Variants in PRTG observed in about 807,000 individuals in gnomAD.
The protein encoded by PRTG is protogenin.
Under a neutral mutation model 122.5 loss-of-function variants are expected in PRTG, and 67 were observed. The ratio of observed to expected loss-of-function variants is 0.55; its 90% confidence interval spans 0.45 to 0.67. The LOEUF (loss-of-function observed/expected upper bound fraction) is 0.67. Among genes scored for constraint, PRTG ranks in the 30% least tolerant of loss-of-function variants. PRTG has a pLI of 0.00. For missense variants in PRTG, 1,435 were observed against 1,415.4 expected (o/e 1.01, Z -0.22); for synonymous variants, 554 against 501.1 (o/e 1.11, Z -1.41).
rs753787912 is a variant in PRTG at position 55,620,003 on chromosome 15, G to A, written c.*9C>T. Reference sequence around the variant, plus strand: ...GGAATCTCCACCTGAATCACTGCCAGTGAAAGAATCAGAGGTTGGGGGGTG... The same window carrying A: ...GGAATCTCCACCTGAATCACTGCCAATGAAAGAATCAGAGGTTGGGGGGTG... On this transcript the variant is annotated 3_prime_UTR_variant, in exon 20 of 20. Coordinates refer to ENST00000389286, the MANE Select transcript of PRTG (RefSeq NM_173814.6). 10 of 1,613,838 alleles carry A rather than the reference G, an allele frequency of 6.2e-6. No homozygotes were observed. Among genetic ancestry groups the A allele is most frequent in the South Asian group, 4.4e-5 (4 of 91,028 alleles).
At chr15:55,652,533 A>G (rs2059358542) in intron 11 of PRTG, among the ~76,000 whole-genome samples, 1 of 152,114 alleles carries the variant, frequency 6.6e-6, no homozygotes, top group African/African-American at 2.4e-5. Flanking sequence ...TCCCTTCGAC[A>G]CAATACCCCC....
At position 55,723,998 on chromosome 15, in the gene PRTG, G is replaced by A. The variant is rs138791615; in HGVS notation, c.397+16384C>T. On this transcript the variant is annotated intron_variant, in intron 2 of 19. Transcript: ENST00000389286. Reference sequence around the variant, plus strand: ...GAACTCCTGACCTCATGATCCGCCTGCCTCGGCCTCCCAAAGTGCTAGGAT... The same window carrying A: ...GAACTCCTGACCTCATGATCCGCCTACCTCGGCCTCCCAAAGTGCTAGGAT... Among the ~76,000 whole-genome samples the A allele has an allele frequency of 3.2e-3, 482 of 152,176 alleles. 1 individual carries two copies. Among genetic ancestry groups the A allele is most frequent in the Non-Finnish European group, 4.9e-3 (336 of 67,990 alleles).
intron 11 of PRTG, among the ~76,000 whole-genome samples, chr15:55,643,588 C>G (rs2059304350): frequency 6.6e-6 from 1 of 152,042 alleles, no homozygotes; most frequent in Admixed American, 6.6e-5. Context: ...TGCACACCAC[C>G]ACACCTGGCA....
intron 11 of PRTG, among the ~76,000 whole-genome samples, chr15:55,660,721 G>C (rs2059405233): frequency 6.6e-6 from 1 of 151,940 alleles, no homozygotes; most frequent in Non-Finnish European, 1.5e-5. Context: ...TTTTATTTGA[G>C]GTTTTATTAG....
chr15:55,645,430 T>G (rs2059316098), intron 11 of PRTG, among the ~76,000 whole-genome samples: 1 of 8,478 alleles, frequency 1.2e-4, no homozygotes, highest in African/African-American at 1.6e-4. Flanking sequence ...CGAAACTCCG[T>G]CTCAAAAAAA....
In PRTG at chr15:55,612,563, A is replaced by G. The variant is rs1467341588; in HGVS notation, c.*7449T>C. On this transcript the variant is annotated 3_prime_UTR_variant, in exon 20 of 20. Transcript: ENST00000389286. Reference sequence around the variant, plus strand: ...TATATAAAATGCATTCATTTGGAATAGTTTGCAGAAATATTAAAATACTCC... The same window carrying G: ...TATATAAAATGCATTCATTTGGAATGGTTTGCAGAAATATTAAAATACTCC... 1 of 151,754 alleles carries G rather than the reference A, an allele frequency of 6.6e-6. No individual in the cohort carries two copies. The highest frequency in any genetic ancestry group is 1.5e-5 in the Non-Finnish European group (1 of 67,866). The allele number at this position is 151,754 out of a possible 1,614,324, so 9.4% of individuals were successfully genotyped here. A position where few individuals can be genotyped will look rare whatever the true frequency, so the allele number is the denominator to read the frequency against.
At chr15:55,665,030 G>A (rs1383131138) in intron 11 of PRTG, among the ~76,000 whole-genome samples, 2 of 151,766 alleles carry the variant, frequency 1.3e-5, no homozygotes, top group Non-Finnish European at 1.5e-5. Context: ...AGGCCGAGGC[G>A]GGTGGATCAC....
intron 11 of PRTG, among the ~76,000 whole-genome samples, chr15:55,670,062 ATAGTT>A (rs1227522228): frequency 6.6e-6 from 1 of 152,228 alleles, no homozygotes; most frequent in Non-Finnish European, 1.5e-5. Context: ...AAAGTTGACT[ATAGTT>A]CAGAGATGAT....
At chr15:55,633,882 T>G (rs1009407886) in intron 15 of PRTG, among the ~76,000 whole-genome samples, 3 of 152,118 alleles carry the variant, frequency 2.0e-5, no homozygotes, top group Admixed American at 2.0e-4. Context: ...CCACAACAAC[T>G]AAGAGAATAT....
Position 55,611,962 on chromosome 15 carries a change from C to G in PRTG, c.*8050G>C, listed in dbSNP as rs574773944. ...GAAAGGATCCAGAACACCCATAATA[C>G]AAAATAATTTAACTGGCTCCCACAC... On this transcript the variant is annotated 3_prime_UTR_variant, in exon 20 of 20. Coordinates refer to ENST00000389286, the MANE Select transcript of PRTG (RefSeq NM_173814.6). 10 of 151,562 alleles carry G rather than the reference C, an allele frequency of 6.6e-5. No homozygotes were observed. The highest frequency in any genetic ancestry group is 1.9e-4 in the African/African-American group (8 of 41,322). The allele number at this position is 151,562 out of a possible 1,614,324, so 9.4% of individuals were successfully genotyped here.
Position 55,619,989 on chromosome 15 carries a change from C to T in PRTG, c.*23G>A, listed in dbSNP as rs199539745. Reference sequence around the variant, plus strand: ...CACTTCCTCAATGCGGAATCTCCACCTGAATCACTGCCAGTGAAAGAATCA... The same window carrying T: ...CACTTCCTCAATGCGGAATCTCCACTTGAATCACTGCCAGTGAAAGAATCA... On this transcript the variant is annotated 3_prime_UTR_variant, in exon 20 of 20. Transcript: ENST00000389286. 6.8e-6 allele frequency: 11 copies of T among 1,612,704 alleles called. No homozygotes were observed. Among genetic ancestry groups the T allele is most frequent in the Admixed American group, 5.0e-5 (3 of 59,962 alleles).
intron 2 of PRTG, 93 bp downstream of exon 2, chr15:55,740,289 T>G: frequency 8.4e-7 from 1 of 1,196,338 alleles, no homozygotes; most frequent in Non-Finnish European, 1.2e-6. Context: ...TCTTAATGCA[T>G]GCATGATTCG....
chr15:55,698,818 A>G (rs2141837991), intron 2 of PRTG, among the ~76,000 whole-genome samples: 1 of 152,156 alleles, frequency 6.6e-6, no homozygotes, highest in Non-Finnish European at 1.5e-5. Flanking sequence ...AGGACTCGTG[A>G]ATCATGCTCA....
intron 2 of PRTG, among the ~76,000 whole-genome samples, chr15:55,711,800 T>C (rs2030399315): frequency 6.6e-6 from 1 of 152,192 alleles, no homozygotes; most frequent in Non-Finnish European, 1.5e-5. Flanking sequence ...CAATAATATA[T>C]ACTTACAGTT....
rs1396352836 is a variant in PRTG, at chr15:55,675,527, A to G, written c.1538T>C (p.Leu513Pro). 1.9e-6 allele frequency: 3 copies of G among 1,608,274 alleles called. No individual in the cohort carries two copies. The African/African-American group carries it at 4.0e-5, about 21-fold the overall frequency. ...QMSDHVTQNT[L>P]EDVPLRPPEI... is the part of the protein sequence containing the mutation. ...GAATCATGTTTTCTTACCATCCTCTAGAGTATTCTGTGTCACATGGTCAGA... is the reference window on the plus strand; with the variant it reads ...GAATCATGTTTTCTTACCATCCTCTGGAGTATTCTGTGTCACATGGTCAGA... The change falls in exon 9 of 20, where the codon CTA becomes CCA. Residue 513 changes from leucine to proline, a missense_variant. Physicochemically the swap from Leu to Pro is moderately conservative, Grantham distance 98 (BLOSUM62 -3). Transcript: ENST00000389286.
chr15:55,724,335 C>T (rs1213919321), intron 2 of PRTG, among the ~76,000 whole-genome samples: 1 of 152,050 alleles, frequency 6.6e-6, no homozygotes, highest in Non-Finnish European at 1.5e-5. Flanking sequence ...TCAGTATTTC[C>T]TTCATATATT....
At chr15:55,698,115 G>A (rs962270855) in intron 2 of PRTG, among the ~76,000 whole-genome samples, 3 of 151,948 alleles carry the variant, frequency 2.0e-5, no homozygotes, top group Non-Finnish European at 2.9e-5. Context: ...CCAGCTCTGC[G>A]CCCTTATTCC....
chr15:55,627,237 GT>G (rs2059199845), intron 16 of PRTG, 109 bp from the exon 17 acceptor site: 1 of 566,954 alleles, frequency 1.8e-6, no homozygotes, highest in East Asian at 4.0e-5. Context: ...CATAGGAAAA[GT>G]TTTGACATTG....
chr15:55,647,854 C>A (rs2059332584), intron 11 of PRTG, among the ~76,000 whole-genome samples: 1 of 152,204 alleles, frequency 6.6e-6, no homozygotes, highest in African/African-American at 2.4e-5. Context: ...CTCAGTTTAA[C>A]CACTCTCTGT....
Sources: allele counts gnomAD v4.1 joint callset (sites outside exome capture counted in the v4.1 genomes callset), GRCh38; gene constraint gnomAD v4.1.1; transcripts MANE v1.5; gene names NCBI Gene and HGNC (gene_info 2026-07-23, HGNC 2026-07-21).